CRADD: variants seen among roughly 807,000 people sequenced by gnomAD.
CRADD encodes the protein CARD and death domain containing adaptor protein, also known as death domain-containing protein CRADD.
CRADD carries 9 observed loss-of-function variants against 15.5 expected under a neutral mutation model. That is an observed-to-expected ratio of 0.58 (90% CI 0.35 to 1.01). The LOEUF (loss-of-function observed/expected upper bound fraction) is 1.01, where lower values mean the gene tolerates loss of function less well. Ranked by LOEUF, CRADD falls within the 50% of genes least tolerant of loss-of-function variation. CRADD has a pLI of 0.02. For missense variants in CRADD, 227 were observed against 250.3 expected (o/e 0.91, Z 0.63); for synonymous variants, 118 against 107.6 (o/e 1.10, Z -0.60).
At chr12:93,802,134 GA>G (rs1408579208) in intron 2 of CRADD, among the ~76,000 whole-genome samples, 9 of 152,176 alleles carry the variant, frequency 5.9e-5, no homozygotes, top group African/African-American at 2.2e-4. Flanking sequence ...TTGCACTTGT[GA>G]ATTGTGCTGC....
intron 2 of CRADD, among the ~76,000 whole-genome samples, chr12:93,844,522 A>G (rs1249881527): frequency 6.6e-6 from 1 of 152,096 alleles, no homozygotes; most frequent in African/African-American, 2.4e-5. Flanking sequence ...ACTGCTGGCC[A>G]TCTCCCAGTT....
intron 2 of CRADD, among the ~76,000 whole-genome samples, chr12:93,836,537 C>T (rs532545219): frequency 6.6e-6 from 1 of 152,284 alleles, no homozygotes; most frequent in South Asian, 2.1e-4. Flanking sequence ...TAACAGCCCA[C>T]ATCTAACCTT....
At chr12:93,867,404 T>TATATA (rs1491540248) in intron 2 of CRADD, among the ~76,000 whole-genome samples, 22 of 127,262 alleles carry the variant, frequency 1.7e-4, no homozygotes, top group East Asian at 2.7e-4. Flanking sequence ...TATATATATA[T>TATATA]TTTTTAAACT....
At chr12:93,840,057 T>C (rs186215948) in intron 2 of CRADD, among the ~76,000 whole-genome samples, 2 of 152,342 alleles carry the variant, frequency 1.3e-5, no homozygotes, top group East Asian at 3.9e-4. Flanking sequence ...GTTCATGGTG[T>C]GATGCTCTAG....
intron 2 of CRADD, among the ~76,000 whole-genome samples, chr12:93,875,574 G>C (rs1210056052): frequency 2.6e-5 from 4 of 151,670 alleles, no homozygotes; most frequent in Non-Finnish European, 1.5e-5. Flanking sequence ...TCCATTATAT[G>C]TTTTTTTGGT....
chr12:93,771,462 ATTAC>A (rs549830604), intron 2 of CRADD, among the ~76,000 whole-genome samples: 5 of 152,084 alleles, frequency 3.3e-5, no homozygotes, highest in Non-Finnish European at 7.4e-5. Context: ...ATATTTTCCT[ATTAC>A]TTAATAATTG....
At chr12:93,835,867 G>A (rs1270689752) in intron 2 of CRADD, among the ~76,000 whole-genome samples, 1 of 152,030 alleles carries the variant, frequency 6.6e-6, no homozygotes, top group Non-Finnish European at 1.5e-5. Flanking sequence ...TGGCCTTTGG[G>A]GCTCTGATCC....
intron 2 of CRADD, among the ~76,000 whole-genome samples, chr12:93,753,445 CAT>C (rs1956852740): frequency 1.3e-5 from 2 of 152,204 alleles, no homozygotes; most frequent in South Asian, 4.1e-4. Context: ...GGTCTTAGCT[CAT>C]TTCAGTGTTA....
At chr12:93,744,781 C>T (rs1165851542) in intron 2 of CRADD, among the ~76,000 whole-genome samples, 1 of 152,122 alleles carries the variant, frequency 6.6e-6, no homozygotes, top group Non-Finnish European at 1.5e-5. Context: ...TTAATAAAAA[C>T]AATAAACATT....
intron 2 of CRADD, among the ~76,000 whole-genome samples, chr12:93,858,586 CAA>C (rs1288649937): frequency 6.6e-6 from 1 of 152,222 alleles, no homozygotes; most frequent in African/African-American, 2.4e-5. Flanking sequence ...GCCTCAGAAG[CAA>C]AGTCTCTCTC....
chr12:93,748,204 C>T (rs1408640517), intron 2 of CRADD, among the ~76,000 whole-genome samples: 1 of 152,186 alleles, frequency 6.6e-6, no homozygotes, highest in Non-Finnish European at 1.5e-5. Flanking sequence ...CCCTCTCGCA[C>T]CTTCCAGAAA....
chr12:93,828,411 T>A (rs1957850729), intron 2 of CRADD, among the ~76,000 whole-genome samples: 2 of 152,260 alleles, frequency 1.3e-5, no homozygotes, highest in Non-Finnish European at 2.9e-5. Context: ...AATTCATCTA[T>A]GTTTTCTTCC....
Position 93,678,870 on chromosome 12 carries a change from G to A in CRADD, c.96G>A (p.Gln32=). The change falls in exon 2 of 3, where the codon CAG becomes CAA. Residue 32 remains glutamine (Q), a synonymous_variant. Coordinates refer to ENST00000332896, the MANE Select transcript of CRADD (RefSeq NM_003805.5). The part of the protein sequence containing the change: ...VEGLVLQYLY[Q]EGILTENHIQ... ...GACTGGTTCTTCAGTACCTCTACCA[G>A]GAAGGAATCTTGACGGAAAACCATA... is the stretch of plus-strand genomic sequence containing the variant. The A allele has an allele frequency of 6.2e-7, 1 of 1,614,206 alleles. No individual in the cohort carries two copies. Among genetic ancestry groups the A allele is most frequent in the Non-Finnish European group, 8.5e-7 (1 of 1,180,034 alleles).
At chr12:93,748,724 C>A (rs1041645832) in intron 2 of CRADD, among the ~76,000 whole-genome samples, 4 of 152,202 alleles carry the variant, frequency 2.6e-5, no homozygotes, top group African/African-American at 9.7e-5. Flanking sequence ...GATCCAGTCC[C>A]CCTTCGGGAC....
At chr12:93,736,804 A>G (rs1456810169) in intron 2 of CRADD, among the ~76,000 whole-genome samples, 1 of 152,228 alleles carries the variant, frequency 6.6e-6, no homozygotes, top group African/African-American at 2.4e-5. Flanking sequence ...CCAGCATCTA[A>G]GTGAGTCTTG....
At chr12:93,857,799 C>T (rs183998165) in intron 2 of CRADD, among the ~76,000 whole-genome samples, 2 of 152,320 alleles carry the variant, frequency 1.3e-5, no homozygotes, top group East Asian at 1.9e-4. Flanking sequence ...CTCCATCTTC[C>T]AGGGACTTCT....
chr12:93,821,204 C>T (rs2137019004), intron 2 of CRADD, among the ~76,000 whole-genome samples: 1 of 152,342 alleles, frequency 6.6e-6, no homozygotes, highest in East Asian at 1.9e-4. Flanking sequence ...CAGTTGGTTG[C>T]TTCTGAGCTG....
intron 2 of CRADD, among the ~76,000 whole-genome samples, chr12:93,797,867 A>G (rs1957436802): frequency 6.6e-6 from 1 of 152,238 alleles, no homozygotes; most frequent in Non-Finnish European, 1.5e-5. Context: ...AGAAAGGGCA[A>G]TAAGAGGCAG....
At chr12:93,869,703 C>G (rs1273509080) in intron 2 of CRADD, among the ~76,000 whole-genome samples, 2 of 152,016 alleles carry the variant, frequency 1.3e-5, no homozygotes, top group Admixed American at 1.3e-4. Context: ...TTGAAAACAA[C>G]AGAAGGAAAG....
Sources: allele counts gnomAD v4.1 joint callset (sites outside exome capture counted in the v4.1 genomes callset), GRCh38; gene constraint gnomAD v4.1.1; transcripts MANE v1.5; gene names NCBI Gene and HGNC (gene_info 2026-07-23, HGNC 2026-07-21).